MMP26: variants seen among roughly 807,000 people sequenced by gnomAD.
The protein encoded by MMP26 is matrix metallopeptidase 26.
In MMP26, 33 loss-of-function variants were observed where a neutral mutation model predicts 31.0. The ratio of observed to expected loss-of-function variants is 1.06; its 90% CI spans 0.81 to 1.42. MMP26 has a LOEUF of 1.42. MMP26 is among the 40% of genes most tolerant of loss of function. The pLI, the probability that MMP26 is intolerant of heterozygous loss-of-function variation, is 0.00. For synonymous variants in MMP26, 122 were observed against 114.9 expected (o/e 1.06, Z -0.40); for missense variants, 347 against 316.1 (o/e 1.10, Z -0.74).
chr11:4,879,755 A>G (rs1850431992), intron 2 of MMP26, among the ~76,000 whole-genome samples: 1 of 152,170 alleles, frequency 6.6e-6, no homozygotes, highest in Admixed American at 6.5e-5. Context: ...TATGACTTGA[A>G]TCGGAAGGGT....
chr11:4,713,815 T>C (rs1354607186), intron 1 of MMP26, among the ~76,000 whole-genome samples: 5 of 151,892 alleles, frequency 3.3e-5, no homozygotes, highest in African/African-American at 7.3e-5. Flanking sequence ...TTTGGGAGGG[T>C]GTGGTTACTC....
chr11:4,924,104 G>A (rs1851231452), intron 2 of MMP26: 2 of 1,614,174 alleles, frequency 1.2e-6, no homozygotes, highest in Middle Eastern at 1.7e-4. Context: ...AGTGGGCAGT[G>A]TGGAAAGGCA....
intron 2 of MMP26, chr11:4,863,711 G>A (rs555324074): frequency 2.0e-5 from 3 of 152,164 alleles, no homozygotes; most frequent in African/African-American, 7.2e-5. Flanking sequence ...CAAACCACTG[G>A]TGTTGTCTGG....
chr11:4,806,892 G>C (rs1849277992), intron 2 of MMP26, among the ~76,000 whole-genome samples: 1 of 151,988 alleles, frequency 6.6e-6, no homozygotes, highest in Non-Finnish European at 1.5e-5. Context: ...TATTCTGTTT[G>C]AGCCGAAGTC....
chr11:4,826,873 G>A (rs1023551310), intron 2 of MMP26, among the ~76,000 whole-genome samples: 1 of 152,082 alleles, frequency 6.6e-6, no homozygotes, highest in African/African-American at 2.4e-5. Context: ...TACGTCTCGG[G>A]ATACTCAACC....
intron 1 of MMP26, among the ~76,000 whole-genome samples, chr11:4,745,236 A>G (rs763941729): frequency 2.0e-5 from 3 of 152,222 alleles, no homozygotes; most frequent in Non-Finnish European, 4.4e-5. Context: ...CCCCACAGAC[A>G]AAGATCAAAA....
At chr11:4,907,777 C>T (rs760565320) in intron 2 of MMP26, 4 of 1,613,968 alleles carry the variant, frequency 2.5e-6, no homozygotes, top group Non-Finnish European at 3.4e-6. Context: ...GTTCTATCCT[C>T]ACTAGCAACA....
At chr11:4,739,426 C>T (rs1278160270) in intron 1 of MMP26, among the ~76,000 whole-genome samples, 1 of 152,056 alleles carries the variant, frequency 6.6e-6, no homozygotes, top group African/African-American at 2.4e-5. Context: ...CTTGCTAAGA[C>T]CCTCACTAAG....
intron 2 of MMP26, among the ~76,000 whole-genome samples, chr11:4,776,111 T>C (rs112983935): frequency 0.043 from 6,529 of 152,168 alleles, 487 homozygotes; most frequent in African/African-American, 0.15. Context: ...CCATTTTGCT[T>C]CAAAACACAG....
chr11:4,920,139 GGATATCTA>G (rs1442319692), intron 2 of MMP26, among the ~76,000 whole-genome samples: 3 of 152,122 alleles, frequency 2.0e-5, no homozygotes, highest in Non-Finnish European at 4.4e-5. Context: ...TATGTTTTGT[GGATATCTA>G]GATTTCTGTC....
intron 2 of MMP26, among the ~76,000 whole-genome samples, chr11:4,916,006 T>A (rs1043227565): frequency 4.6e-5 from 7 of 152,160 alleles, no homozygotes. Context: ...CTAGAGTTTT[T>A]ACTAGTCTCA....
At chr11:4,770,801 C>T (rs1313712000) in intron 2 of MMP26, among the ~76,000 whole-genome samples, 2 of 151,978 alleles carry the variant, frequency 1.3e-5, no homozygotes, top group Admixed American at 6.6e-5. Flanking sequence ...CAAGATTGCA[C>T]CACCGCACTC....
chr11:4,763,330 A>G (rs1387759490), intron 1 of MMP26, among the ~76,000 whole-genome samples: 1 of 152,214 alleles, frequency 6.6e-6, no homozygotes, highest in African/African-American at 2.4e-5. Flanking sequence ...AGAAATTTTC[A>G]GTTTTCAGTT....
rs760417698 is a variant in MMP26, at chr11:4,887,582, C to T, written c.-144-100486C>T. Reference sequence around the variant, plus strand: ...TTCTTTGACTTGAAATTTATAGTTACTCCTTACTTCTTTTGGCAATAGGTT... The same window carrying T: ...TTCTTTGACTTGAAATTTATAGTTATTCCTTACTTCTTTTGGCAATAGGTT... On this transcript the variant is annotated intron_variant, in intron 2 of 7. Transcript: ENST00000380390. Among the ~76,000 whole-genome samples the T allele has an allele frequency of 5.9e-5, 9 of 152,144 alleles. 1 individual carries two copies. Among genetic ancestry groups the T allele is most frequent in the Non-Finnish European group, 2.9e-5 (2 of 68,008 alleles).
intron 2 of MMP26, chr11:4,915,583 G>C: frequency 3.1e-6 from 5 of 1,614,078 alleles, no homozygotes; most frequent in Non-Finnish European, 4.2e-6. Flanking sequence ...AGATGTGCAT[G>C]CGCTCCAGCC....
intron 2 of MMP26, among the ~76,000 whole-genome samples, chr11:4,792,094 A>C (rs560690400): frequency 6.6e-6 from 1 of 152,136 alleles, no homozygotes; most frequent in Non-Finnish European, 1.5e-5. Context: ...TAATAGCAAC[A>C]ATACTTTATA....
At chr11:4,785,776 T>C (rs965218210) in intron 2 of MMP26, among the ~76,000 whole-genome samples, 1 of 152,150 alleles carries the variant, frequency 6.6e-6, no homozygotes, top group Non-Finnish European at 1.5e-5. Flanking sequence ...CAGATAGAGT[T>C]CTCTAAACCT....
At chr11:4,842,652 T>C (rs1849812498) in intron 2 of MMP26, among the ~76,000 whole-genome samples, 1 of 152,160 alleles carries the variant, frequency 6.6e-6, no homozygotes, top group Admixed American at 6.6e-5. Context: ...GAGATTTGGG[T>C]GGGGACACAG....
chr11:4,853,582 T>C (rs1041110092), intron 2 of MMP26, among the ~76,000 whole-genome samples: 4 of 152,050 alleles, frequency 2.6e-5, no homozygotes, highest in Admixed American at 2.0e-4. Flanking sequence ...ATAAAAATTA[T>C]AAAACTGACT....
Sources: gnomAD v4.1 joint callset for allele counts (sites outside exome capture counted in the v4.1 genomes callset) on GRCh38, gnomAD v4.1.1 for gene constraint, MANE v1.5 for transcripts, NCBI Gene and HGNC (gene_info 2026-07-23, HGNC 2026-07-21) for gene names.